PCED1B: variants seen among roughly 807,000 people sequenced by gnomAD.
PCED1B encodes the protein PC-esterase domain-containing protein 1B.
For synonymous variants in PCED1B, 251 were observed against 246.1 expected (o/e 1.02, Z -0.19); for missense variants, 573 against 573.9 (o/e 1.00, Z 0.02).
intron 2 of PCED1B, among the ~76,000 whole-genome samples, chr12:47,162,623 G>T (rs1941423095): frequency 6.6e-6 from 1 of 152,162 alleles, no homozygotes; most frequent in Non-Finnish European, 1.5e-5. Flanking sequence ...GAGGGAGCAG[G>T]CATGCTACAT....
chr12:47,196,645 C>G (rs1350150814), intron 2 of PCED1B, among the ~76,000 whole-genome samples: 1 of 151,884 alleles, frequency 6.6e-6, no homozygotes, highest in African/African-American at 2.4e-5. Flanking sequence ...CTGGCCAACA[C>G]GGTAAAACCC....
At chr12:47,203,683 TG>T (rs1192458544) in intron 2 of PCED1B, among the ~76,000 whole-genome samples, 1 of 152,262 alleles carries the variant, frequency 6.6e-6, no homozygotes, top group Non-Finnish European at 1.5e-5. Flanking sequence ...GCAGTGTATA[TG>T]AACCACATTT....
chr12:47,082,674 T>C (rs1284415050), intron 1 of PCED1B, among the ~76,000 whole-genome samples: 2 of 152,206 alleles, frequency 1.3e-5, no homozygotes, highest in Non-Finnish European at 2.9e-5. Flanking sequence ...ACCACAGCCC[T>C]GTGACATTAT....
At chr12:47,226,176 A>G (rs1943626061) in intron 3 of PCED1B, among the ~76,000 whole-genome samples, 1 of 152,214 alleles carries the variant, frequency 6.6e-6, no homozygotes, top group Non-Finnish European at 1.5e-5. Flanking sequence ...TATAACTATG[A>G]TTTTTAAAAT....
At chr12:47,142,880 A>AG (rs1940648070) in intron 2 of PCED1B, among the ~76,000 whole-genome samples, 1 of 151,538 alleles carries the variant, frequency 6.6e-6, no homozygotes, top group East Asian at 1.9e-4. Context: ...AAGAAGAGAG[A>AG]AAGAGGCAAA....
intron 2 of PCED1B, among the ~76,000 whole-genome samples, chr12:47,182,395 C>G (rs1942122692): frequency 6.6e-6 from 1 of 151,864 alleles, no homozygotes; most frequent in African/African-American, 2.4e-5. Flanking sequence ...CCTTTGAGAC[C>G]AGCCAAACAA....
intron 2 of PCED1B, chr12:47,210,396 A>G (rs1420033542): frequency 6.6e-6 from 1 of 152,240 alleles, no homozygotes; most frequent in African/African-American, 2.4e-5. Flanking sequence ...TCAAAGACTT[A>G]CAATTACAGA....
intron 2 of PCED1B, among the ~76,000 whole-genome samples, chr12:47,145,156 G>A (rs1940737441): frequency 6.6e-6 from 1 of 152,210 alleles, no homozygotes. Context: ...GGTCTGGATA[G>A]ATGATCAAAC....
At chr12:47,162,848 G>A (rs76204864) in intron 2 of PCED1B, among the ~76,000 whole-genome samples, 3 of 152,284 alleles carry the variant, frequency 2.0e-5, no homozygotes, top group Non-Finnish European at 4.4e-5. Flanking sequence ...ATTTGCAAGG[G>A]ACAAATATCC....
chr12:47,163,927 C>A (rs1941465478), intron 2 of PCED1B, among the ~76,000 whole-genome samples: 1 of 152,106 alleles, frequency 6.6e-6, no homozygotes, highest in East Asian at 1.9e-4. Context: ...GGAAGCAAAA[C>A]CCTCTACTGT....
chr12:47,097,264 T>A (rs886086216), intron 1 of PCED1B, among the ~76,000 whole-genome samples: 9 of 152,130 alleles, frequency 5.9e-5, no homozygotes, highest in Admixed American at 5.9e-4. Flanking sequence ...CTGTAGAAAA[T>A]ACATCCCTCA....
chr12:47,223,204 T>C (rs1304268854), intron 3 of PCED1B, among the ~76,000 whole-genome samples: 4 of 151,974 alleles, frequency 2.6e-5, no homozygotes, highest in Non-Finnish European at 5.9e-5. Flanking sequence ...GATACAAGGG[T>C]GTCACAAATA....
At chr12:47,132,485 A>T (rs1487196198) in intron 2 of PCED1B, among the ~76,000 whole-genome samples, 1 of 152,198 alleles carries the variant, frequency 6.6e-6, no homozygotes, top group African/African-American at 2.4e-5. Context: ...TATAATTGAA[A>T]GTTTGAATGC....
intron 1 of PCED1B, among the ~76,000 whole-genome samples, chr12:47,103,263 G>A (rs1565748168): frequency 6.6e-6 from 1 of 152,198 alleles, no homozygotes; most frequent in Non-Finnish European, 1.5e-5. Context: ...TGTGTGGGGA[G>A]ACTTTCAAGG....
intron 2 of PCED1B, among the ~76,000 whole-genome samples, chr12:47,165,761 T>A (rs1941525229): frequency 6.6e-6 from 1 of 152,192 alleles, no homozygotes; most frequent in Non-Finnish European, 1.5e-5. Context: ...GTTTTGTTAT[T>A]CTGTTACATA....
intron 2 of PCED1B, among the ~76,000 whole-genome samples, chr12:47,212,469 G>T (rs748770818): frequency 9.2e-5 from 14 of 152,144 alleles, no homozygotes; most frequent in Non-Finnish European, 1.9e-4. Flanking sequence ...ATGAGTCCAG[G>T]ACCCAGGAAG....
intron 2 of PCED1B, among the ~76,000 whole-genome samples, chr12:47,184,806 T>G (rs1009710608): frequency 2.0e-5 from 3 of 152,116 alleles, no homozygotes; most frequent in Non-Finnish European, 4.4e-5. Context: ...CTATGAAAAT[T>G]TTATTACCTT....
intron 1 of PCED1B, among the ~76,000 whole-genome samples, chr12:47,102,803 T>C (rs868541504): frequency 1.3e-5 from 2 of 152,230 alleles, no homozygotes; most frequent in African/African-American, 4.8e-5. Flanking sequence ...GAAACAGTTA[T>C]TGTTCAAGAA....
chr12:47,094,968 G>A (rs933096771), intron 1 of PCED1B, among the ~76,000 whole-genome samples: 3 of 148,820 alleles, frequency 2.0e-5, no homozygotes, highest in Admixed American at 6.7e-5. Flanking sequence ...ATGCAGTGGC[G>A]TGATCATGGC....
Sources: gnomAD v4.1 joint callset for allele counts (sites outside exome capture counted in the v4.1 genomes callset) on GRCh38, gnomAD v4.1.1 for gene constraint, MANE v1.5 for transcripts, NCBI Gene and HGNC (gene_info 2026-07-23, HGNC 2026-07-21) for gene names.